Variants in COG5 observed in about 807,000 individuals in gnomAD.
COG5 encodes the protein component of oligomeric golgi complex 5.
A neutral mutation model predicts 110.4 loss-of-function variants in COG5; 86 were observed. The observed-to-expected ratio is 0.78, with a 90% CI of 0.65 to 0.93. COG5 has a LOEUF of 0.93. Among genes scored for constraint, COG5 ranks in the 40% least tolerant of loss-of-function variants. The pLI is 0.00. For synonymous variants in COG5, 360 were observed against 334.6 expected (o/e 1.08, Z -0.83); for missense variants, 1,077 against 987.0 (o/e 1.09, Z -1.22).
chr7:107,344,792 G>C lies in COG5; in HGVS notation c.1026+17241C>G, dbSNP rs188896511. Among the ~76,000 whole-genome samples, 817 of 152,232 alleles carry C rather than the reference G, an allele frequency of 5.4e-3. 8 individuals are homozygous for C. The highest frequency in any genetic ancestry group is 0.019 in the African/African-American group (795 of 41,534). The stretch of plus-strand genomic sequence containing the variant: ...ACCCACCTCGGCCTCCCAAAGTGCC[G>C]GGATTACAGGCGTGACCCACCGCGC... On this transcript the variant is annotated intron_variant, in intron 10 of 21. Coordinates refer to ENST00000297135, the MANE Select transcript of COG5 (RefSeq NM_006348.5).
At chr7:107,563,691 G>C (rs1408891745) in intron 1 of COG5, 112 bp downstream of exon 1, 3 of 1,265,368 alleles carry the variant, frequency 2.4e-6, no homozygotes, top group African/African-American at 2.9e-5. Context: ...GAGTGGTCAC[G>C]TCCAGACTGG....
chr7:107,231,075 T>C (rs1800744356), intron 18 of COG5, among the ~76,000 whole-genome samples: 1 of 152,184 alleles, frequency 6.6e-6, no homozygotes, highest in African/African-American at 2.4e-5. Flanking sequence ...TATCAGTCAG[T>C]GTGGCTCAAG....
At chr7:107,487,917 A>G (rs905989756) in intron 6 of COG5, among the ~76,000 whole-genome samples, 1 of 152,112 alleles carries the variant, frequency 6.6e-6, no homozygotes, top group Non-Finnish European at 1.5e-5. Context: ...CAAACAGTTG[A>G]GAGGTTAGTT....
chr7:107,296,623 T>C (rs1410172148), intron 12 of COG5, among the ~76,000 whole-genome samples: 3 of 146,328 alleles, frequency 2.1e-5, no homozygotes, highest in Non-Finnish European at 3.0e-5. Flanking sequence ...AGGGTCTCAC[T>C]ATGCTGCCCA....
Position 107,332,337 on chromosome 7 carries a change from G to A in COG5, c.1027-7816C>T, listed in dbSNP as rs1054096688. Among the ~76,000 whole-genome samples the A allele has an allele frequency of 2.0e-5, 3 of 152,326 alleles. No homozygotes were observed. The South Asian group carries it at 6.2e-4, about 32-fold the overall frequency. Reference sequence around the variant, plus strand: ...AAGTTGGTGGAAGAAATGATTCAGAGTGGAGAGAGAGGAGTGGGTGGAGAT... The same window carrying A: ...AAGTTGGTGGAAGAAATGATTCAGAATGGAGAGAGAGGAGTGGGTGGAGAT... On this transcript the variant is annotated intron_variant, in intron 10 of 21. Transcript: ENST00000297135.
chr7:107,354,800 C>T (rs1234138401), intron 10 of COG5, among the ~76,000 whole-genome samples: 1 of 152,180 alleles, frequency 6.6e-6, no homozygotes, highest in Non-Finnish European at 1.5e-5. Flanking sequence ...TCTGTGGGCA[C>T]TATTATTATC....
intron 14 of COG5, among the ~76,000 whole-genome samples, chr7:107,275,045 G>A (rs1268264496): frequency 1.3e-5 from 2 of 151,996 alleles, no homozygotes; most frequent in African/African-American, 2.4e-5. Flanking sequence ...CTTCTGTCTC[G>A]AACTCTCAAA....
rs1814282526 is a variant in COG5 at position 107,372,645 on chromosome 7, C to T, written c.785G>A (p.Ser262Asn). The change falls in exon 8 of 22, where the codon AGT (serine) becomes AAT (asparagine). Residue 262 changes from serine to asparagine, a missense_variant. By Grantham distance (46) the Ser-to-Asn change is conservative. Transcript: ENST00000297135. Reference protein sequence around the residue: ...YCATLEENINSALDIKVLTQP... With the variant: ...YCATLEENINNALDIKVLTQP... Reference sequence around the variant, plus strand: ...AGTCAAAACTTTTATGTCTAATGCACTGTTGATATTTTCTTCTAAAGTAGC... The same window carrying T: ...AGTCAAAACTTTTATGTCTAATGCATTGTTGATATTTTCTTCTAAAGTAGC... 2.5e-6 allele frequency: 4 copies of T among 1,613,564 alleles called. No individual in the cohort carries two copies. The highest frequency in any genetic ancestry group is 1.7e-6 in the Non-Finnish European group (2 of 1,179,794).
intron 19 of COG5, among the ~76,000 whole-genome samples, chr7:107,221,350 A>AG (rs1353856007): frequency 6.6e-6 from 1 of 152,074 alleles, no homozygotes; most frequent in African/African-American, 2.4e-5. Context: ...GGAATCCTAT[A>AG]CTACCTCTAC....
chr7:107,347,993 G>A (rs559604322), intron 10 of COG5, among the ~76,000 whole-genome samples: 1 of 151,700 alleles, frequency 6.6e-6, no homozygotes, highest in Admixed American at 6.6e-5. Context: ...AGGGGTGGTG[G>A]CACACACCTG....
chr7:107,242,116 T>C (rs1029387215), intron 17 of COG5, among the ~76,000 whole-genome samples: 3 of 152,240 alleles, frequency 2.0e-5, no homozygotes, highest in East Asian at 3.9e-4. Context: ...ACATTTCCCA[T>C]GTGGGAGAGG....
chr7:107,377,340 T>G (rs930514125), intron 7 of COG5, among the ~76,000 whole-genome samples: 10 of 152,210 alleles, frequency 6.6e-5, no homozygotes, highest in African/African-American at 1.9e-4. Context: ...ATCTAAATTT[T>G]CAAATCAATT....
intron 7 of COG5, among the ~76,000 whole-genome samples, chr7:107,377,129 G>A (rs192086295): frequency 1.3e-5 from 2 of 152,066 alleles, no homozygotes; most frequent in African/African-American, 4.8e-5. Flanking sequence ...CTTGGATACA[G>A]TTTACATAAC....
chr7:107,345,341 A>G (rs1299625442), intron 10 of COG5, among the ~76,000 whole-genome samples: 3 of 152,224 alleles, frequency 2.0e-5, no homozygotes, highest in African/African-American at 7.2e-5. Context: ...CATATGTTGG[A>G]AAATGGCACC....
intron 7 of COG5, among the ~76,000 whole-genome samples, chr7:107,402,323 G>C (rs980477199): frequency 3.3e-5 from 5 of 152,164 alleles, no homozygotes; most frequent in African/African-American, 9.7e-5. Context: ...CAGGTACCAA[G>C]CTCTGAAAGA....
chr7:107,395,574 G>C (rs1188111350), intron 7 of COG5, among the ~76,000 whole-genome samples: 1 of 55,944 alleles, frequency 1.8e-5, no homozygotes, highest in African/African-American at 7.9e-5. Flanking sequence ...TTTTTTTTGA[G>C]AAGGAATTTT....
chr7:107,267,392 T>C (rs6971571), intron 14 of COG5, among the ~76,000 whole-genome samples: 2,964 of 152,312 alleles, frequency 0.019, 93 homozygotes, highest in African/African-American at 0.065. Flanking sequence ...GAACAGCAGA[T>C]AGAATTTCTA....
chr7:107,239,391 T>C (rs570519172), intron 17 of COG5, among the ~76,000 whole-genome samples: 2 of 152,356 alleles, frequency 1.3e-5, no homozygotes, highest in East Asian at 3.9e-4. Flanking sequence ...GGTAGTGTGA[T>C]ACCTCTAGCT....
intron 10 of COG5, among the ~76,000 whole-genome samples, chr7:107,340,151 A>G (rs1363507118): frequency 6.6e-6 from 1 of 152,100 alleles, no homozygotes; most frequent in Non-Finnish European, 1.5e-5. Flanking sequence ...AAGAAAAAAA[A>G]GAAGATCCAA....
Sources: allele counts gnomAD v4.1 joint callset (sites outside exome capture counted in the v4.1 genomes callset), GRCh38; gene constraint gnomAD v4.1.1; transcripts MANE v1.5; gene names NCBI Gene and HGNC (gene_info 2026-07-23, HGNC 2026-07-21).